Variants in PITPNM3 observed in about 807,000 individuals in gnomAD.
The protein encoded by PITPNM3 is membrane-associated phosphatidylinositol transfer protein 3.
In PITPNM3, 26 loss-of-function variants were observed where a neutral mutation model predicts 102.0. The observed-to-expected ratio is 0.25, with a 90% CI of 0.19 to 0.35. The LOEUF is 0.35. Ranked by LOEUF, PITPNM3 falls within the 10% of genes least tolerant of loss-of-function variation. The probability of loss-of-function intolerance (pLI) is 1.00; values close to 1 mark genes in which losing one functional copy is unlikely to be tolerated. For synonymous variants in PITPNM3, 578 were observed against 558.6 expected, an observed-to-expected ratio of 1.03 and a Z score of -0.49; for missense variants, 1,083 against 1,346.1, an observed-to-expected ratio of 0.80 and a Z score of 3.06.
chr17:6,464,413 T>G (rs975842099), intron 15 of PITPNM3, 95 bp from the exon 16 acceptor site: 1 of 1,338,354 alleles, frequency 7.5e-7, no homozygotes, highest in East Asian at 2.3e-5. Flanking sequence ...CTGAGGTCCC[T>G]GCCTGACATT....
At chr17:6,530,908 T>C (rs188318868) in intron 2 of PITPNM3, among the ~76,000 whole-genome samples, 23 of 152,330 alleles carry the variant, frequency 1.5e-4, no homozygotes, top group South Asian at 6.2e-4. Context: ...GGGAGCCTCA[T>C]TGACAGATCC....
intron 11 of PITPNM3, 22 bp from the exon 12 acceptor site, chr17:6,471,377 C>G (rs1567664568): frequency 2.6e-6 from 4 of 1,548,784 alleles, no homozygotes; most frequent in Non-Finnish European, 3.5e-6. Context: ...ATTTCAAGGT[C>G]AGGCTGAGTC....
rs181660529 is a variant in PITPNM3 at position 6,539,746 on chromosome 17, A to G, written c.23-1664T>C. ...ATACTAAAGGTATAAAATCTATCAT[A>G]TCTACTACATTTGCATACTATGTGA... On this transcript the variant is annotated intron_variant, in intron 1 of 19. Coordinates refer to ENST00000262483, the MANE Select transcript of PITPNM3 (RefSeq NM_031220.4). Among the ~76,000 whole-genome samples the G allele has an allele frequency of 7.3e-3, 1,119 of 152,344 alleles. 9 individuals are homozygous for G. The highest frequency in any genetic ancestry group is 0.025 in the African/African-American group (1,037 of 41,586).
At chr17:6,475,741 C>CCTCCAACTTCTCATCACT (rs1905274437) in intron 9 of PITPNM3, among the ~76,000 whole-genome samples, 1 of 152,220 alleles carries the variant, frequency 6.6e-6, no homozygotes, top group Admixed American at 6.5e-5. Context: ...CTCCTGGAAG[C>CCTCCAACTTCTCATCACT]CTCCAACTTC....
chr17:6,522,776 C>G (rs1358402916), intron 3 of PITPNM3, among the ~76,000 whole-genome samples: 3 of 152,092 alleles, frequency 2.0e-5, no homozygotes, highest in Non-Finnish European at 2.9e-5. Flanking sequence ...TTCCTTTCCC[C>G]AAGATACTTC....
At chr17:6,555,838 G>A (rs1406531939) in intron 1 of PITPNM3, among the ~76,000 whole-genome samples, 1 of 152,234 alleles carries the variant, frequency 6.6e-6, no homozygotes, top group Admixed American at 6.5e-5. Context: ...TCCCAGGGTC[G>A]ATGGGGGAGG....
chr17:6,507,910 G>C (rs1035225358), intron 3 of PITPNM3, among the ~76,000 whole-genome samples: 10 of 152,160 alleles, frequency 6.6e-5, no homozygotes, highest in Non-Finnish European at 1.3e-4. Flanking sequence ...GCCTGGGCAG[G>C]ATGTCCAGAG....
intron 4 of PITPNM3, among the ~76,000 whole-genome samples, chr17:6,497,546 CTG>C (rs1293290909): frequency 3.3e-5 from 5 of 152,194 alleles, no homozygotes; most frequent in South Asian, 2.1e-4. Flanking sequence ...GGTTGGGACT[CTG>C]TGGACCATTG....
intron 3 of PITPNM3, among the ~76,000 whole-genome samples, chr17:6,518,090 C>T (rs901563477): frequency 6.6e-6 from 1 of 151,972 alleles, no homozygotes; most frequent in Non-Finnish European, 1.5e-5. Flanking sequence ...CCACACTAGA[C>T]CAGGGTTTAG....
chr17:6,458,332 A>C lies in PITPNM3; in HGVS notation c.2491-610T>G, dbSNP rs1461916233. On this transcript the variant is annotated intron_variant, in intron 18 of 19. Transcript: ENST00000262483. The surrounding 1 kb of genome is among the most constrained non-coding windows in gnomAD (Gnocchi z 5.1). The stretch of plus-strand genomic sequence containing the variant: ...GGTGCTCGCCACCCAGCTGCCCCTC[A>C]CTGTGTGCCTCCTGTCACTGTCATC... Among the ~76,000 whole-genome samples, 1 of 151,830 alleles carries C rather than the reference A, an allele frequency of 6.6e-6. No homozygotes were observed. The highest frequency in any genetic ancestry group is 1.5e-5 in the Non-Finnish European group (1 of 67,958).
intron 3 of PITPNM3, among the ~76,000 whole-genome samples, chr17:6,522,302 AC>A: frequency 6.6e-6 from 1 of 152,096 alleles, no homozygotes; most frequent in Admixed American, 6.5e-5. Context: ...ACACACACAC[AC>A]ACACACACAC....
At chr17:6,532,979 T>C (rs1337357168) in intron 2 of PITPNM3, among the ~76,000 whole-genome samples, 1 of 152,120 alleles carries the variant, frequency 6.6e-6, no homozygotes, top group Middle Eastern at 3.2e-3. Flanking sequence ...TTATTATTAT[T>C]GAGACGGCGT....
intron 3 of PITPNM3, chr17:6,521,035 T>C (rs937256213): frequency 1.3e-5 from 2 of 152,130 alleles, no homozygotes; most frequent in African/African-American, 4.8e-5. Context: ...TTGCAGAGAG[T>C]GACCAAGTTC....
intron 1 of PITPNM3, among the ~76,000 whole-genome samples, chr17:6,543,361 G>C (rs1186465061): frequency 6.6e-6 from 1 of 152,332 alleles, no homozygotes; most frequent in East Asian, 1.9e-4. Flanking sequence ...CAGAGAGACA[G>C]ACAGGCAGAC....
At chr17:6,460,918 G>C in intron 18 of PITPNM3, 1 of 263,496 alleles carries the variant, frequency 3.8e-6, no homozygotes, top group Non-Finnish European at 7.4e-6. Flanking sequence ...GAGTTTCCGA[G>C]TTTCCTGGTG....
At position 6,537,218 on chromosome 17, in the gene PITPNM3, C is replaced by T. The variant is rs1909485461; in HGVS notation, c.118+769G>A. Among the ~76,000 whole-genome samples the T allele has an allele frequency of 1.3e-5, 2 of 151,892 alleles. No homozygotes were observed. The highest frequency in any genetic ancestry group is 2.9e-5 in the Non-Finnish European group (2 of 67,986). On this transcript the variant is annotated intron_variant, in intron 2 of 19. Transcript: ENST00000262483. This position sits in a 1 kb window ranked among gnomAD's most constrained non-coding sequence, Gnocchi z 4.4. ...GGCAACAGTCTTTCTAACACTCTGGCACTCCCTGCATCTATGAGGCTCATT... is the reference window on the plus strand; with the variant it reads ...GGCAACAGTCTTTCTAACACTCTGGTACTCCCTGCATCTATGAGGCTCATT...
intron 17 of PITPNM3, among the ~76,000 whole-genome samples, chr17:6,462,788 C>T (rs1370895836): frequency 6.6e-6 from 1 of 152,150 alleles, no homozygotes; most frequent in Non-Finnish European, 1.5e-5. Flanking sequence ...GCAGGGATCA[C>T]CCCTAGGGAT....
intron 1 of PITPNM3, among the ~76,000 whole-genome samples, chr17:6,555,950 G>T (rs1375768961): frequency 1.3e-5 from 2 of 152,168 alleles, no homozygotes; most frequent in Non-Finnish European, 2.9e-5. Context: ...GGGGCGGGGG[G>T]TTGTGGCGTC....
intron 4 of PITPNM3, among the ~76,000 whole-genome samples, chr17:6,487,033 A>C (rs886096066): frequency 2.6e-5 from 4 of 152,204 alleles, no homozygotes; most frequent in African/African-American, 9.6e-5. Flanking sequence ...AGAGGGTCTG[A>C]GTGTGGCTTC....
Sources: allele counts gnomAD v4.1 joint callset (sites outside exome capture counted in the v4.1 genomes callset), GRCh38; gene constraint gnomAD v4.1.1; non-coding constraint Gnocchi (gnomAD v3.1); transcripts MANE v1.5; gene names NCBI Gene and HGNC (gene_info 2026-07-23, HGNC 2026-07-21).